The following RELN variants were observed in gnomAD, a reference collection of about 807,000 sequenced individuals.
The protein encoded by RELN is reelin.
RELN carries 108 observed loss-of-function variants against 427.6 expected under a neutral mutation model. That is an observed-to-expected ratio of 0.25 (90% CI 0.22 to 0.30). The LOEUF is 0.30. RELN is among the 10% of genes least tolerant of loss of function. The pLI is 1.00. For missense variants in RELN, 3,715 were observed against 4,302.8 expected (o/e 0.86, Z 3.82); for synonymous variants, 1,524 against 1,513.4 (o/e 1.01, Z -0.16).
chr7:103,530,274 T>C (rs1829911251), intron 46 of RELN, among the ~76,000 whole-genome samples: 1 of 152,236 alleles, frequency 6.6e-6, no homozygotes, highest in Non-Finnish European at 1.5e-5. Flanking sequence ...ATCTTCTCAC[T>C]ATTTTACTAG....
intron 2 of RELN, among the ~76,000 whole-genome samples, chr7:103,872,042 T>TTC (rs1794352587): frequency 9.4e-6 from 1 of 106,152 alleles, no homozygotes; most frequent in Admixed American, 9.2e-5. Context: ...TTTTCTTTTT[T>TTC]CTTTTTTTTC....
chr7:103,922,096 T>C (rs1795628433), intron 1 of RELN, among the ~76,000 whole-genome samples: 1 of 152,046 alleles, frequency 6.6e-6, no homozygotes, highest in Non-Finnish European at 1.5e-5. Context: ...TAAGATAAAA[T>C]TGAGAGTGTA....
At chr7:103,923,463 G>GAA (rs140169514) in intron 1 of RELN, among the ~76,000 whole-genome samples, 28 of 150,300 alleles carry the variant, frequency 1.9e-4, no homozygotes, top group African/African-American at 6.1e-4. Context: ...CAACAGCAAA[G>GAA]AAAAAAAAAT....
rs1444684725 is a variant in RELN at position 103,561,574 on chromosome 7, A to G, written c.5487T>C (p.Asn1829=). Residue 1829 remains asparagine (N), a synonymous_variant, in exon 36 of 65, where the codon AAT becomes AAC. Coordinates refer to ENST00000428762, the MANE Select transcript of RELN (RefSeq NM_005045.4). ...ATGTTCCAGATTTGATGGTTTCACC[A>G]TTCAGATTCCCCCTCTCTGCACCAT... is the stretch of plus-strand genomic sequence containing the variant. ...EVYGAERGNL[N]GETIKSGTSL... 2 of 1,613,942 alleles carry G rather than the reference A, an allele frequency of 1.2e-6. No homozygotes were observed. The highest frequency in any genetic ancestry group is 8.5e-7 in the Non-Finnish European group (1 of 1,179,846).
At chr7:103,965,192 T>G (rs917675852) in intron 1 of RELN, among the ~76,000 whole-genome samples, 4 of 152,228 alleles carry the variant, frequency 2.6e-5, no homozygotes, top group African/African-American at 9.6e-5. Context: ...ACTTGCTGCC[T>G]TATAACATCT....
chr7:103,555,911 C>T (rs897213412), intron 38 of RELN, among the ~76,000 whole-genome samples: 1 of 152,150 alleles, frequency 6.6e-6, no homozygotes, highest in Non-Finnish European at 1.5e-5. Flanking sequence ...ATGGAAGAAC[C>T]TTTGCCTTTT....
At chr7:103,734,981 C>T (rs113695635) in intron 6 of RELN, among the ~76,000 whole-genome samples, 12 of 152,106 alleles carry the variant, frequency 7.9e-5, no homozygotes, top group Middle Eastern at 3.4e-3. Context: ...CTGAAGTACA[C>T]GACAATCATA....
rs1006217380 is a variant in RELN at position 103,751,548 on chromosome 7, T to C, written c.577+1634A>G. Reference sequence around the variant, plus strand: ...ATACACTGGAGAGAACGCTGTGATGTATTCTGTGCATGGGAGTGATTTAAT... The same window carrying C: ...ATACACTGGAGAGAACGCTGTGATGCATTCTGTGCATGGGAGTGATTTAAT... On this transcript the variant is annotated intron_variant, in intron 5 of 64. Transcript: ENST00000428762. 1.4e-4 allele frequency among the ~76,000 whole-genome samples: 22 copies of C among 152,220 alleles called. 1 individual carries two copies. Among genetic ancestry groups the C allele is most frequent in the Admixed American group, 1.4e-3 (21 of 15,282 alleles).
chr7:103,539,596 T>C (rs981475163), intron 44 of RELN: 18 of 475,814 alleles, frequency 3.8e-5, no homozygotes, highest in Non-Finnish European at 5.0e-5. Flanking sequence ...GCAAACGACA[T>C]GTACCCAAGC....
chr7:103,899,780 T>C (rs920871228), intron 2 of RELN, among the ~76,000 whole-genome samples: 11 of 152,074 alleles, frequency 7.2e-5, no homozygotes, highest in Non-Finnish European at 5.9e-5. Flanking sequence ...ATAAACTGGG[T>C]ATTGATGGAA....
chr7:103,678,207 T>C (rs1056045024), intron 11 of RELN, among the ~76,000 whole-genome samples: 41 of 152,330 alleles, frequency 2.7e-4, no homozygotes, highest in African/African-American at 9.4e-4. Flanking sequence ...TGTTTACGTT[T>C]GGGATGAAAG....
At chr7:103,794,967 C>T (rs1444850359) in intron 3 of RELN, among the ~76,000 whole-genome samples, 1 of 152,214 alleles carries the variant, frequency 6.6e-6, no homozygotes, top group African/African-American at 2.4e-5. Context: ...ATACTGAATA[C>T]ATATGCATTT....
chr7:103,635,061 A>G (rs1306240721), intron 19 of RELN, among the ~76,000 whole-genome samples: 2 of 151,886 alleles, frequency 1.3e-5, no homozygotes, highest in South Asian at 2.1e-4. Flanking sequence ...GGGTTTCACC[A>G]TGTTGACCAG....
intron 64 of RELN, among the ~76,000 whole-genome samples, chr7:103,476,191 G>A (rs530161005): frequency 2.7e-4 from 41 of 152,296 alleles, no homozygotes; most frequent in African/African-American, 9.6e-4. Flanking sequence ...GCAGCTGGGT[G>A]CAGTGACTCA....
At chr7:103,892,725 T>C (rs753496795) in intron 2 of RELN, among the ~76,000 whole-genome samples, 3 of 152,206 alleles carry the variant, frequency 2.0e-5, no homozygotes, top group Admixed American at 6.5e-5. Context: ...TATTCAATAA[T>C]TGGAAAAATA....
chr7:103,652,891 G>T, intron 13 of RELN, 132 bp from the exon 14 acceptor site: 2 of 765,272 alleles, frequency 2.6e-6, no homozygotes, highest in Non-Finnish European at 4.5e-6. Context: ...CGTCCTTTGT[G>T]TTGCATTTGT....
intron 3 of RELN, among the ~76,000 whole-genome samples, chr7:103,778,076 T>C (rs1034365048): frequency 6.6e-6 from 1 of 152,244 alleles, no homozygotes; most frequent in African/African-American, 2.4e-5. Flanking sequence ...AAACAGATGC[T>C]ACTATTCTTT....
intron 63 of RELN, 74 bp from the exon 64 acceptor site, chr7:103,478,468 CTGTGA>C (rs1242387460): frequency 4.2e-6 from 3 of 718,522 alleles, no homozygotes; most frequent in Non-Finnish European, 7.6e-6. Flanking sequence ...GCATGCAGCA[CTGTGA>C]TTAGTCATAA....
chr7:103,628,762 A>C lies in RELN; in HGVS notation c.2702+1178T>G, dbSNP rs138758455. Among the ~76,000 whole-genome samples the C allele has an allele frequency of 7.7e-4, 117 of 152,340 alleles. No individual in the cohort carries two copies. In the South Asian group the frequency reaches 0.012, roughly 15 times the overall value. On this transcript the variant is annotated intron_variant, in intron 20 of 64. Coordinates refer to ENST00000428762, the MANE Select transcript of RELN (RefSeq NM_005045.4). Reference sequence around the variant, plus strand: ...TGACCATGACTTAATACAAAATAAAAGTCTTTTAGAAAATTATTCTTCAAC... The same window carrying C: ...TGACCATGACTTAATACAAAATAAACGTCTTTTAGAAAATTATTCTTCAAC...
Sources: allele counts gnomAD v4.1 joint callset (sites outside exome capture counted in the v4.1 genomes callset), GRCh38; gene constraint gnomAD v4.1.1; transcripts MANE v1.5; gene names NCBI Gene and HGNC (gene_info 2026-07-23, HGNC 2026-07-21).